COL4A3: variants seen among roughly 807,000 people sequenced by gnomAD.
The protein encoded by COL4A3 is collagen alpha-3(IV) chain.
A neutral mutation model predicts 217.4 loss-of-function variants in COL4A3; 135 were observed. The observed-to-expected ratio is 0.62, with a 90% confidence interval of 0.54 to 0.72. The LOEUF is 0.72. Ranked by LOEUF, COL4A3 falls within the 30% of genes least tolerant of loss-of-function variation. The pLI, the probability that COL4A3 is intolerant of heterozygous loss-of-function variation, is 0.00. For missense variants in COL4A3, 1,868 were observed against 2,119.9 expected (o/e 0.88, Z 2.33); for synonymous variants, 690 against 736.3 (o/e 0.94, Z 1.02).
intron 47 of COL4A3, among the ~76,000 whole-genome samples, chr2:227,306,695 G>A (rs1240743949): frequency 6.6e-6 from 1 of 152,106 alleles, no homozygotes; most frequent in Non-Finnish European, 1.5e-5. Context: ...AATTTCTGAG[G>A]AAAGTCCTGA....
chr2:227,171,875 G>C (rs972502318), intron 1 of COL4A3, among the ~76,000 whole-genome samples: 1 of 152,178 alleles, frequency 6.6e-6, no homozygotes, highest in Non-Finnish European at 1.5e-5. Flanking sequence ...CAAGTGCCTC[G>C]TTTCACCTTT....
chr2:227,184,094 A>G (rs1459358935), intron 1 of COL4A3, among the ~76,000 whole-genome samples: 1 of 152,218 alleles, frequency 6.6e-6, no homozygotes, highest in Non-Finnish European at 1.5e-5. Context: ...CTGGCAAGAC[A>G]TCAGGAATCC....
chr2:227,271,518 G>A (rs775081356), intron 25 of COL4A3, among the ~76,000 whole-genome samples: 6 of 142,742 alleles, frequency 4.2e-5, no homozygotes, highest in Non-Finnish European at 7.5e-5. Flanking sequence ...TGTTGCCCAG[G>A]CTGGAGTGCA....
At chr2:227,175,972 A>T (rs59166093) in intron 1 of COL4A3, among the ~76,000 whole-genome samples, 9,629 of 152,268 alleles carry the variant, frequency 0.063, 368 homozygotes, top group Admixed American at 0.092. Flanking sequence ...GGTGTGAATT[A>T]GCCAAATGTG....
chr2:227,303,985 G>A lies in COL4A3; in HGVS notation c.4028-34G>A, dbSNP rs201767832. 1.3e-4 allele frequency: 202 copies of A among 1,614,232 alleles called. 2 individuals are homozygous for A. The South Asian group carries it at 2.1e-3, about 17-fold the overall frequency. On this transcript the variant is annotated intron_variant, in intron 45 of 51. Coordinates refer to ENST00000396578, the MANE Select transcript of COL4A3 (RefSeq NM_000091.5). Reference sequence around the variant, plus strand: ...ATGAAGAAAGGTAACACATCCGTGAGGCCATCATCTTCTTCTTATGTTTAT... The same window carrying A: ...ATGAAGAAAGGTAACACATCCGTGAAGCCATCATCTTCTTCTTATGTTTAT...
intron 11 of COL4A3, among the ~76,000 whole-genome samples, chr2:227,251,951 C>T (rs1397964981): frequency 6.6e-6 from 1 of 151,332 alleles, no homozygotes; most frequent in Non-Finnish European, 1.5e-5. Flanking sequence ...TGCCTGTAAT[C>T]CCAGCTACTC....
intron 1 of COL4A3, among the ~76,000 whole-genome samples, chr2:227,188,384 G>A (rs2066109257): frequency 1.3e-5 from 2 of 151,946 alleles, no homozygotes; most frequent in Non-Finnish European, 2.9e-5. Flanking sequence ...ACCCCAAATA[G>A]TCTTTTTAAA....
intron 1 of COL4A3, among the ~76,000 whole-genome samples, chr2:227,179,986 G>C (rs1377910885): frequency 6.6e-6 from 1 of 152,194 alleles, no homozygotes; most frequent in Non-Finnish European, 1.5e-5. Flanking sequence ...TAAGATTTCA[G>C]TGGCTTGAAA....
chr2:227,291,772 G>A (rs1292366463), intron 37 of COL4A3, among the ~76,000 whole-genome samples: 3 of 152,124 alleles, frequency 2.0e-5, no homozygotes, highest in African/African-American at 7.2e-5. Context: ...TTCAGTGTTT[G>A]TGCTTTGTCA....
At chr2:227,258,363 T>C (rs1233452475) in intron 18 of COL4A3, among the ~76,000 whole-genome samples, 1 of 152,212 alleles carries the variant, frequency 6.6e-6, no homozygotes, top group Non-Finnish European at 1.5e-5. Context: ...TGCTCAGTAA[T>C]GTAACTCAGG....
chr2:227,283,928 T>A, intron 33 of COL4A3, 72 bp downstream of exon 33: 1 of 1,351,528 alleles, frequency 7.4e-7, no homozygotes, highest in East Asian at 2.3e-5. Context: ...GCAAAAAAAG[T>A]TATGTTTCAT....
intron 1 of COL4A3, among the ~76,000 whole-genome samples, chr2:227,185,329 TGCTTTGACACAGG>T (rs1486124075): frequency 5.3e-5 from 8 of 152,206 alleles, no homozygotes; most frequent in Non-Finnish European, 8.8e-5. Flanking sequence ...TGGTTTGAGG[TGCTTTGACACAGG>T]GCTTTTCGCA....
At chr2:227,246,148 T>C in intron 6 of COL4A3, 132 bp downstream of exon 6, 1 of 751,040 alleles carries the variant, frequency 1.3e-6, no homozygotes, top group Non-Finnish European at 2.4e-6. Context: ...CAGCATAATT[T>C]GGAGGCAGGA....
intron 32 of COL4A3, among the ~76,000 whole-genome samples, chr2:227,283,169 T>C (rs1051615412): frequency 3.3e-5 from 5 of 152,234 alleles, no homozygotes; most frequent in Admixed American, 2.6e-4. Flanking sequence ...TATTTCTGTA[T>C]AATTGTTTTA....
intron 1 of COL4A3, among the ~76,000 whole-genome samples, chr2:227,236,018 C>CG (rs547431689): frequency 4.4e-3 from 314 of 71,846 alleles, no homozygotes; most frequent in Middle Eastern, 0.012. Context: ...AGGTGATCCG[C>CG]CCCCCTGGGC....
rs959190411 is a variant in COL4A3, at chr2:227,274,451, A to C, written c.1927+1334A>C. Among the ~76,000 whole-genome samples, 22 of 151,458 alleles carry C rather than the reference A, an allele frequency of 1.5e-4. 1 individual carries two copies. The highest frequency in any genetic ancestry group is 5.3e-4 in the African/African-American group (22 of 41,290). ...ATTTTATGACTTTCTCTATATATTA[A>C]ATAAACAAATAAATATTTATGTTTA... On this transcript the variant is annotated intron_variant, in intron 26 of 51. Transcript: ENST00000396578.
At chr2:227,291,114 T>A (rs955447889) in intron 37 of COL4A3, 17 of 520,520 alleles carry the variant, frequency 3.3e-5, no homozygotes, top group Non-Finnish European at 3.8e-5. Context: ...TTTCTCACAC[T>A]GTCTCTGCAA....
intron 1 of COL4A3, among the ~76,000 whole-genome samples, chr2:227,197,751 T>C (rs1396316397): frequency 6.6e-6 from 1 of 151,976 alleles, no homozygotes; most frequent in Non-Finnish European, 1.5e-5. Flanking sequence ...ATAAGCAGAG[T>C]AGTCAATACT....
At chr2:227,305,295 G>C (rs565193257) in intron 47 of COL4A3, among the ~76,000 whole-genome samples, 258 of 152,190 alleles carry the variant, frequency 1.7e-3, no homozygotes, top group African/African-American at 6.0e-3. Context: ...TGGTCAGATG[G>C]GCTCCAAACT....
Sources: allele counts gnomAD v4.1 joint callset (sites outside exome capture counted in the v4.1 genomes callset), GRCh38; gene constraint gnomAD v4.1.1; transcripts MANE v1.5; gene names NCBI Gene and HGNC (gene_info 2026-07-23, HGNC 2026-07-21).